Variants in LTBP1 observed in about 807,000 individuals in gnomAD.
LTBP1 encodes the protein latent-transforming growth factor beta-binding protein 1.
LTBP1 carries 129 observed loss-of-function variants against 207.6 expected under a neutral mutation model. The ratio of observed to expected loss-of-function variants is 0.62; its 90% CI spans 0.54 to 0.72. LTBP1 has a LOEUF of 0.72. Among genes scored for constraint, LTBP1 ranks in the 30% least tolerant of loss-of-function variants. The probability of loss-of-function intolerance (pLI) is 0.00; values close to 1 mark genes in which losing one functional copy is unlikely to be tolerated. For synonymous variants in LTBP1, 963 were observed against 833.7 expected (o/e 1.16, Z -2.67); for missense variants, 2,281 against 2,217.2 (o/e 1.03, Z -0.58).
At position 33,397,669 on chromosome 2, in the gene LTBP1, G is replaced by A. The variant is rs950197778; in HGVS notation, c.4984+387G>A. On this transcript the variant is annotated intron_variant, in intron 33 of 33. Transcript: ENST00000404816. ...ACTACAGGCACCCGCCACCACACCC[G>A]GCTAATTTTTTTTTTTTTTTTTTTT... Among the ~76,000 whole-genome samples, 67 of 130,462 alleles carry A rather than the reference G, an allele frequency of 5.1e-4. 1 individual carries two copies. The highest frequency in any genetic ancestry group is 3.7e-3 in the Middle Eastern group (1 of 272). 85.6% of individuals were successfully genotyped at this position (130,462 alleles called of 152,430 possible).
intron 9 of LTBP1, among the ~76,000 whole-genome samples, chr2:33,225,622 G>C (rs914377067): frequency 6.6e-6 from 1 of 152,150 alleles, no homozygotes; most frequent in Non-Finnish European, 1.5e-5. Flanking sequence ...CCTCCTACCA[G>C]GTCCCTCCCA....
At chr2:32,987,266 A>C (rs1227228561) in intron 2 of LTBP1, among the ~76,000 whole-genome samples, 1 of 152,154 alleles carries the variant, frequency 6.6e-6, no homozygotes, top group African/African-American at 2.4e-5. Context: ...AGTATAGAAA[A>C]AGGGGAACGG....
intron 3 of LTBP1, among the ~76,000 whole-genome samples, chr2:33,051,987 G>A (rs2076768846): frequency 6.6e-6 from 1 of 152,212 alleles, no homozygotes; most frequent in Non-Finnish European, 1.5e-5. Context: ...TTAAACAGAT[G>A]TGTGTGCAAA....
intron 7 of LTBP1, among the ~76,000 whole-genome samples, chr2:33,199,393 G>T (rs2088951452): frequency 6.6e-6 from 1 of 152,082 alleles, no homozygotes; most frequent in African/African-American, 2.4e-5. Context: ...GGGGTGGAGG[G>T]TTCTGTAGAT....
intron 5 of LTBP1, among the ~76,000 whole-genome samples, chr2:33,169,889 A>C (rs1054719239): frequency 6.6e-6 from 1 of 152,240 alleles, no homozygotes; most frequent in Non-Finnish European, 1.5e-5. Flanking sequence ...AATGTTCAAA[A>C]TCTTTAGTAA....
chr2:33,242,328 A>G (rs1227615800), intron 9 of LTBP1, among the ~76,000 whole-genome samples: 1 of 152,126 alleles, frequency 6.6e-6, no homozygotes, highest in African/African-American at 2.4e-5. Context: ...TTTCTTTGTA[A>G]AATCACTTCA....
chr2:32,971,002 TTGTGTGTGTGTGTGTG>T (rs56246215), intron 2 of LTBP1, among the ~76,000 whole-genome samples: 133 of 142,636 alleles, frequency 9.3e-4, no homozygotes, highest in Non-Finnish European at 1.4e-3. Context: ...TCCTAGGTAT[TTGTGTGTGTGTGTGTG>T]TGTGTGTGTG....
At chr2:33,328,867 T>C (rs1190176480) in intron 24 of LTBP1, among the ~76,000 whole-genome samples, 1 of 152,208 alleles carries the variant, frequency 6.6e-6, no homozygotes, top group Admixed American at 6.5e-5. Flanking sequence ...AGTAGTCCAT[T>C]TATTTTCATT....
In LTBP1 at chr2:33,188,861, A is replaced by G. The variant is rs564173510; in HGVS notation, c.1701+10A>G. The G allele has an allele frequency of 3.7e-6, 6 of 1,613,112 alleles. No homozygotes were observed. Among genetic ancestry groups the G allele is most frequent in the African/African-American group, 1.3e-5 (1 of 75,036 alleles). ...AACCATTGGGTCACAGGTAAACATC[A>G]TCACCGAGCCTGCTTTAGCAGTGTC... On this transcript the variant is annotated intron_variant, in intron 7 of 33. Transcript: ENST00000404816.
intron 2 of LTBP1, among the ~76,000 whole-genome samples, chr2:32,981,274 A>G (rs981638030): frequency 6.6e-6 from 1 of 151,852 alleles, no homozygotes; most frequent in Non-Finnish European, 1.5e-5. Flanking sequence ...TTAATTGTGT[A>G]TTTTTGTTGT....
intron 5 of LTBP1, among the ~76,000 whole-genome samples, chr2:33,140,615 A>G (rs1040600604): frequency 3.9e-5 from 6 of 151,984 alleles, no homozygotes; most frequent in African/African-American, 1.2e-4. Context: ...ATACTGAATA[A>G]ATGTCATAAT....
rs759340983 is a variant in LTBP1, at chr2:33,206,011, T to TA, written c.1702-11530dup. 5.3e-3 allele frequency among the ~76,000 whole-genome samples: 789 copies of TA among 147,492 alleles called. 2 individuals are homozygous for TA. The highest frequency in any genetic ancestry group is 6.6e-3 in the Non-Finnish European group (437 of 66,422). On this transcript the variant is annotated intron_variant, in intron 7 of 33. Coordinates refer to ENST00000404816, the MANE Select transcript of LTBP1 (RefSeq NM_206943.4). ...TCCAGCCTCCAGAACTGTGAGGAAA[T>TA]AAAAAAAAAAATCTATTGTTTAAAC...
intron 3 of LTBP1, among the ~76,000 whole-genome samples, chr2:33,061,772 C>T (rs2077281917): frequency 6.6e-6 from 1 of 152,140 alleles, no homozygotes; most frequent in African/African-American, 2.4e-5. Context: ...CATGATCATT[C>T]TTGTGAGTTT....
intron 19 of LTBP1, among the ~76,000 whole-genome samples, chr2:33,287,253 A>T (rs2093684705): frequency 6.6e-6 from 1 of 152,218 alleles, no homozygotes; most frequent in African/African-American, 2.4e-5. Flanking sequence ...TCTGTAGTAC[A>T]AGTGTGGAAA....
chr2:33,290,842 T>TG (rs1482221679), intron 19 of LTBP1, among the ~76,000 whole-genome samples: 1 of 152,208 alleles, frequency 6.6e-6, no homozygotes, highest in Non-Finnish European at 1.5e-5. Context: ...ATCAAGGAGA[T>TG]GTCCAGTAGA....
rs760814029 is a variant in LTBP1 at position 33,389,210 on chromosome 2, C to T, written c.4738C>T (p.Pro1580Ser). Residue 1580 changes from proline to serine, a missense_variant, in exon 32 of 34, where the codon CCC (proline) becomes TCC (serine). Around this residue, in one of 3 missense-constraint regions of LTBP1, gnomAD observed 1,671 missense variants for 1,634.8 expected, o/e 1.02. Coordinates refer to ENST00000404816, the MANE Select transcript of LTBP1 (RefSeq NM_206943.4). ...SDDYAQLCNIPVTGRRQPYGR... is the reference protein window; with the variant it reads ...SDDYAQLCNISVTGRRQPYGR... The stretch of plus-strand genomic sequence containing the variant: ...TGACTATGCTCAGCTGTGTAACATC[C>T]CCGTGACGGGACGCCGGCAGCCATA... 3 of 1,614,006 alleles carry T rather than the reference C, an allele frequency of 1.9e-6. No homozygotes were observed. The highest frequency in any genetic ancestry group is 2.2e-5 in the East Asian group (1 of 44,886).
At chr2:33,363,802 A>C (rs34447926) in intron 29 of LTBP1, among the ~76,000 whole-genome samples, 50,880 of 152,118 alleles carry the variant, frequency 0.33, 9,744 homozygotes, top group African/African-American at 0.52. Flanking sequence ...TCTGTGGAAC[A>C]TCCTGTTTCA....
intron 3 of LTBP1, among the ~76,000 whole-genome samples, chr2:33,031,301 T>C (rs1321640805): frequency 6.6e-6 from 1 of 152,214 alleles, no homozygotes; most frequent in Non-Finnish European, 1.5e-5. Flanking sequence ...CCAAGTTCTC[T>C]GTGCATTTCT....
At chr2:32,993,475 C>A (rs1462936261) in intron 2 of LTBP1, among the ~76,000 whole-genome samples, 1 of 152,166 alleles carries the variant, frequency 6.6e-6, no homozygotes, top group Non-Finnish European at 1.5e-5. Flanking sequence ...ATTATTTGGT[C>A]CTGTTAGTTT....
Sources: gnomAD v4.1 joint callset for allele counts (sites outside exome capture counted in the v4.1 genomes callset) on GRCh38, gnomAD v4.1.1 for gene constraint, gnomAD v4.1.1 regional missense constraint, MANE v1.5 for transcripts, NCBI Gene and HGNC (gene_info 2026-07-23, HGNC 2026-07-21) for gene names.